ELMO1: variants seen among roughly 807,000 people sequenced by gnomAD.
ELMO1 encodes engulfment and cell motility 1.
Under a neutral mutation model 98.9 loss-of-function variants are expected in ELMO1, and 26 were observed. That is an observed-to-expected ratio of 0.26 (90% CI 0.19 to 0.36). The LOEUF is 0.36. Among genes scored for constraint, ELMO1 ranks in the 10% least tolerant of loss-of-function variants. The pLI is 1.00. For synonymous variants in ELMO1, 346 were observed against 346.0 expected (o/e 1.00, Z 0.00); for missense variants, 627 against 935.2 (o/e 0.67, Z 4.30).
chr7:36,941,086 T>C (rs1374901320), intron 16 of ELMO1, among the ~76,000 whole-genome samples: 2 of 152,372 alleles, frequency 1.3e-5, no homozygotes, highest in Middle Eastern at 3.4e-3. Context: ...TTTCCAATTA[T>C]GTATTACATT....
chr7:37,274,882 T>C (rs1327157066), intron 4 of ELMO1, among the ~76,000 whole-genome samples: 1 of 152,166 alleles, frequency 6.6e-6, no homozygotes, highest in African/African-American at 2.4e-5. Context: ...TCATGGAAAT[T>C]TGGAGCTGCA....
rs544295384 is a variant in ELMO1, at chr7:36,852,980, G to C, written c.*2571C>G. The stretch of plus-strand genomic sequence containing the variant: ...CAACTTGGACTTCACGACAACATCA[G>C]TCTTCCTACTTTACTTCTGCCTTGG... On this transcript the variant is annotated 3_prime_UTR_variant, in exon 22 of 22. Transcript: ENST00000310758. Among the ~76,000 whole-genome samples, 15 of 152,320 alleles carry C rather than the reference G, an allele frequency of 9.8e-5. No homozygotes were observed. The highest frequency in any genetic ancestry group is 3.4e-4 in the African/African-American group (14 of 41,582).
At chr7:37,398,592 C>T (rs961866821) in intron 1 of ELMO1, among the ~76,000 whole-genome samples, 4 of 152,288 alleles carry the variant, frequency 2.6e-5, no homozygotes, top group Non-Finnish European at 4.4e-5. Flanking sequence ...AGGAAACTAA[C>T]GGGCTGAAGT....
chr7:37,391,738 T>C lies in ELMO1; in HGVS notation c.-73-48975A>G, dbSNP rs1048783279. Among the ~76,000 whole-genome samples the C allele has an allele frequency of 7.9e-5, 12 of 152,164 alleles. 1 individual carries two copies. On this transcript the variant is annotated intron_variant, in intron 1 of 21. Transcript: ENST00000310758. Reference sequence around the variant, plus strand: ...CCTCTTCAGAAACAGCCTCTGCTACTCAAGAGCTTCAAGATTTGGGCAAGC... The same window carrying C: ...CCTCTTCAGAAACAGCCTCTGCTACCCAAGAGCTTCAAGATTTGGGCAAGC...
chr7:37,407,843 A>AAT (rs1803836417), intron 1 of ELMO1, among the ~76,000 whole-genome samples: 1 of 152,328 alleles, frequency 6.6e-6, no homozygotes, highest in Non-Finnish European at 1.5e-5. Context: ...ATAATGTATC[A>AAT]ATATTGGCTC....
intron 1 of ELMO1, among the ~76,000 whole-genome samples, chr7:37,398,492 GT>G (rs1449076718): frequency 2.6e-5 from 4 of 152,290 alleles, no homozygotes; most frequent in Admixed American, 2.6e-4. Context: ...CACTAACCTT[GT>G]TTATCTTTCT....
chr7:37,185,720 A>C (rs1462579656), intron 13 of ELMO1, among the ~76,000 whole-genome samples: 1 of 152,246 alleles, frequency 6.6e-6, no homozygotes. Context: ...AATAGCATAC[A>C]AAAGAATGAA....
In ELMO1 at chr7:36,853,457, G is replaced by A. The variant is rs1801990186; in HGVS notation, c.*2094C>T. 6.6e-6 allele frequency among the ~76,000 whole-genome samples: 1 copy of A among 152,138 alleles called. No individual in the cohort carries two copies. Among genetic ancestry groups the A allele is most frequent in the Admixed American group, 6.5e-5 (1 of 15,280 alleles). ...AAAAAATAATATGACTTTGTTTGCTGCCTTTGACCTAACACTTACTGTTTT... is the reference window on the plus strand; with the variant it reads ...AAAAAATAATATGACTTTGTTTGCTACCTTTGACCTAACACTTACTGTTTT... On this transcript the variant is annotated 3_prime_UTR_variant, in exon 22 of 22. Transcript: ENST00000310758.
At chr7:37,264,822 T>C (rs1222556563) in intron 5 of ELMO1, among the ~76,000 whole-genome samples, 1 of 152,186 alleles carries the variant, frequency 6.6e-6, no homozygotes, top group Non-Finnish European at 1.5e-5. Context: ...GTGTCAAGCA[T>C]TTAACATTTC....
At chr7:36,996,688 C>A (rs1203788003) in intron 16 of ELMO1, among the ~76,000 whole-genome samples, 2 of 152,162 alleles carry the variant, frequency 1.3e-5, no homozygotes, top group African/African-American at 4.8e-5. Flanking sequence ...GAAAAGTGAA[C>A]ATAAGAGGGA....
At chr7:36,876,818 T>C (rs1804023562) in intron 19 of ELMO1, among the ~76,000 whole-genome samples, 1 of 152,212 alleles carries the variant, frequency 6.6e-6, no homozygotes, top group East Asian at 1.9e-4. Flanking sequence ...CCAGGCTCTC[T>C]GCAGCAGTGG....
At chr7:37,443,154 AC>A (rs1266333597) in intron 1 of ELMO1, among the ~76,000 whole-genome samples, 1 of 152,174 alleles carries the variant, frequency 6.6e-6, no homozygotes, top group East Asian at 1.9e-4. Flanking sequence ...TATAGGGCTT[AC>A]CTGATTTTCA....
intron 14 of ELMO1, among the ~76,000 whole-genome samples, chr7:37,103,056 A>C (rs1475921685): frequency 6.6e-6 from 1 of 152,154 alleles, no homozygotes; most frequent in African/African-American, 2.4e-5. Context: ...CTTATCCATA[A>C]AGGGTCGTAA....
chr7:37,407,294 G>T (rs529915691), intron 1 of ELMO1, among the ~76,000 whole-genome samples: 6 of 152,190 alleles, frequency 3.9e-5, no homozygotes, highest in Admixed American at 1.3e-4. Flanking sequence ...CAGATCACGA[G>T]GTCAGGAGTT....
At chr7:37,252,504 G>A (rs995039654) in intron 6 of ELMO1, among the ~76,000 whole-genome samples, 3 of 152,188 alleles carry the variant, frequency 2.0e-5, no homozygotes, top group African/African-American at 7.2e-5. Context: ...TTAATAAATG[G>A]TGCTGGGAAA....
chr7:37,334,946 A>C (rs1172982543), intron 2 of ELMO1, among the ~76,000 whole-genome samples: 3 of 152,192 alleles, frequency 2.0e-5, no homozygotes, highest in Non-Finnish European at 2.9e-5. Context: ...GAAGACCACC[A>C]GTGTTTTATT....
At chr7:36,961,610 A>G (rs1050091365) in intron 16 of ELMO1, among the ~76,000 whole-genome samples, 8 of 152,232 alleles carry the variant, frequency 5.3e-5, no homozygotes, top group Non-Finnish European at 1.2e-4. Flanking sequence ...AATTGAATGG[A>G]AACATCTAAC....
chr7:37,117,801 A>G (rs967325710), intron 14 of ELMO1, among the ~76,000 whole-genome samples: 2 of 152,244 alleles, frequency 1.3e-5, no homozygotes, highest in Non-Finnish European at 2.9e-5. Context: ...TTTCAAACTC[A>G]AACGTCCCAA....
intron 16 of ELMO1, among the ~76,000 whole-genome samples, chr7:36,991,058 G>A (rs143460351): frequency 1.7e-4 from 26 of 152,260 alleles, no homozygotes; most frequent in African/African-American, 6.0e-4. Context: ...GTTCTTTGCT[G>A]GCAATGAAGG....
Sources: gnomAD v4.1 joint callset for allele counts (sites outside exome capture counted in the v4.1 genomes callset) on GRCh38, gnomAD v4.1.1 for gene constraint, MANE v1.5 for transcripts, NCBI Gene and HGNC (gene_info 2026-07-23, HGNC 2026-07-21) for gene names.